Variants in MEGF11 observed in about 807,000 individuals in gnomAD.
MEGF11 encodes the protein multiple epidermal growth factor-like domains protein 11.
Under a neutral mutation model 146.6 loss-of-function variants are expected in MEGF11, and 126 were observed. The ratio of observed to expected loss-of-function variants is 0.86; its 90% confidence interval spans 0.74 to 1.00. The LOEUF (loss-of-function observed/expected upper bound fraction) is 1.00. MEGF11 is among the 50% of genes least tolerant of loss of function. The probability of loss-of-function intolerance (pLI) is 0.00; values close to 1 mark genes in which losing one functional copy is unlikely to be tolerated. For missense variants in MEGF11, 1,509 were observed against 1,521.2 expected, an observed-to-expected ratio of 0.99 and a Z score of 0.13; for synonymous variants, 532 against 583.4, an observed-to-expected ratio of 0.91 and a Z score of 1.27.
chr15:65,957,417 T>C (rs1224926795), intron 10 of MEGF11, 130 bp downstream of exon 10: 1 of 850,512 alleles, frequency 1.2e-6, no homozygotes, highest in Non-Finnish European at 1.8e-6. Flanking sequence ...TCTCCCCTCA[T>C]GAAGTCTGTC....
At chr15:66,086,796 A>G (rs1171209946) in intron 5 of MEGF11, among the ~76,000 whole-genome samples, 1 of 152,244 alleles carries the variant, frequency 6.6e-6, no homozygotes, top group Non-Finnish European at 1.5e-5. Flanking sequence ...CACAGGCAAT[A>G]AAGAACAGGA....
intron 7 of MEGF11, among the ~76,000 whole-genome samples, chr15:65,971,678 T>C (rs191834976): frequency 6.6e-6 from 1 of 152,278 alleles, no homozygotes; most frequent in East Asian, 1.9e-4. Flanking sequence ...TATTGATAGT[T>C]GAGGGTCCCA....
At chr15:66,066,918 AC>A (rs2085153771) in intron 5 of MEGF11, among the ~76,000 whole-genome samples, 1 of 152,196 alleles carries the variant, frequency 6.6e-6, no homozygotes. Flanking sequence ...TCTGCCTGTC[AC>A]CCACAATTGA....
chr15:66,070,905 T>G (rs371287018), intron 5 of MEGF11, among the ~76,000 whole-genome samples: 1 of 152,276 alleles, frequency 6.6e-6, no homozygotes, highest in Admixed American at 6.5e-5. Flanking sequence ...AACCAAAGTT[T>G]ATAGGAACAT....
chr15:66,196,357 A>C (rs539906451), intron 1 of MEGF11, among the ~76,000 whole-genome samples: 12 of 152,160 alleles, frequency 7.9e-5, no homozygotes, highest in African/African-American at 2.4e-4. Flanking sequence ...CTGTAATCCC[A>C]GCTACTCGAG....
intron 1 of MEGF11, among the ~76,000 whole-genome samples, chr15:66,130,170 A>T (rs1164039395): frequency 6.6e-6 from 1 of 152,168 alleles, no homozygotes; most frequent in Non-Finnish European, 1.5e-5. Context: ...GGGAGATTCA[A>T]CCTAGAGCAG....
intron 15 of MEGF11, among the ~76,000 whole-genome samples, chr15:65,918,843 GTATT>G (rs1305835719): frequency 6.6e-6 from 1 of 152,206 alleles, no homozygotes; most frequent in African/African-American, 2.4e-5. Context: ...TATTCATTGA[GTATT>G]TAACCTTTTG....
intron 4 of MEGF11, among the ~76,000 whole-genome samples, chr15:66,108,106 G>A (rs954622623): frequency 6.6e-6 from 1 of 152,230 alleles, no homozygotes; most frequent in Admixed American, 6.5e-5. Context: ...CCCAGGGAAT[G>A]AGAGAATGTG....
At chr15:65,947,309 G>A (rs1214178572) in intron 10 of MEGF11, among the ~76,000 whole-genome samples, 2 of 152,150 alleles carry the variant, frequency 1.3e-5, no homozygotes, top group Admixed American at 1.3e-4. Context: ...AAGCTTGAGC[G>A]CAGGGCTAGC....
At chr15:66,082,514 T>A (rs202040729) in intron 5 of MEGF11, among the ~76,000 whole-genome samples, 3,490 of 114,982 alleles carry the variant, frequency 0.03, 78 homozygotes, top group African/African-American at 0.042. Context: ...TCTATCTATC[T>A]ATAAATAAAT....
rs764407152 is a variant in MEGF11, at chr15:65,913,863, T to C, written c.2584A>G (p.Ile862Val). The change falls in exon 20 of 26, where the codon ATT (isoleucine) becomes GTT (valine). Residue 862 changes from isoleucine (I) to valine (V), a missense_variant. By Grantham distance (29) the Ile-to-Val change is conservative. Coordinates refer to ENST00000395614, the MANE Select transcript of MEGF11 (RefSeq NM_001385028.1). ...GCAAATAGGCCCAGCAGCACCACAA[T>C]GAGGAATAACAGGAGCATGATGCCT... ...VTGIMLLLFL[I>V]VVLLGLFAWH... 3.7e-6 allele frequency: 6 copies of C among 1,613,828 alleles called. No homozygotes were observed. Among genetic ancestry groups the C allele is most frequent in the South Asian group, 1.1e-5 (1 of 91,060 alleles).
intron 1 of MEGF11, among the ~76,000 whole-genome samples, chr15:66,174,302 T>C (rs1294326874): frequency 6.6e-6 from 1 of 152,116 alleles, no homozygotes; most frequent in African/African-American, 2.4e-5. Context: ...GGTGGGGCTG[T>C]TCTATTATAA....
At chr15:66,068,752 G>A (rs1419699099) in intron 5 of MEGF11, among the ~76,000 whole-genome samples, 1 of 152,218 alleles carries the variant, frequency 6.6e-6, no homozygotes, top group Non-Finnish European at 1.5e-5. Flanking sequence ...TGAATCAGGG[G>A]AGGTCATACT....
intron 1 of MEGF11, among the ~76,000 whole-genome samples, chr15:66,161,094 T>G (rs1345331386): frequency 2.0e-5 from 3 of 152,140 alleles, no homozygotes; most frequent in African/African-American, 7.2e-5. Context: ...GTTCTTCAAC[T>G]TTTTCTCAAA....
chr15:65,992,137 A>T (rs138668981), intron 5 of MEGF11, among the ~76,000 whole-genome samples: 15 of 152,300 alleles, frequency 9.8e-5, no homozygotes, highest in African/African-American at 3.1e-4. Flanking sequence ...GCCCTGAGCA[A>T]AGGCAGTTGC....
Position 65,909,148 on chromosome 15 carries a change from A to G in MEGF11, c.2897-13T>C. ...TGGAAATGGGAGTCTAGTGAGAGGA[A>G]TGACAGGGAGGAGCCATTATTCCCA... On this transcript the variant is annotated splice_polypyrimidine_tract_variant and intron_variant, in intron 22 of 25. Transcript: ENST00000395614. 1 of 1,505,078 alleles carries G rather than the reference A, an allele frequency of 6.6e-7. No individual in the cohort carries two copies. Among genetic ancestry groups the G allele is most frequent in the Non-Finnish European group, 8.9e-7 (1 of 1,118,736 alleles). The allele number at this position is 1,505,078 out of a possible 1,614,324, so 93.2% of individuals were successfully genotyped here. A position where few individuals can be genotyped will look rare whatever the true frequency, so the allele number is the denominator to read the frequency against.
chr15:65,941,803 GC>G (rs2080002283), intron 10 of MEGF11, among the ~76,000 whole-genome samples: 1 of 152,220 alleles, frequency 6.6e-6, no homozygotes, highest in African/African-American at 2.4e-5. Flanking sequence ...ATGATGGCCA[GC>G]CCCAGGAGGG....
chr15:65,982,876 G>A lies in MEGF11; in HGVS notation c.395-388C>T, dbSNP rs1397832977. ...CTGCCTGTTTCTGTTCCTTTCTGCC[G>A]GGCCCTTTCTTTTCCCATCTGCCAC... is the stretch of plus-strand genomic sequence containing the variant. On this transcript the variant is annotated intron_variant, in intron 5 of 25. Coordinates refer to ENST00000395614, the MANE Select transcript of MEGF11 (RefSeq NM_001385028.1). The surrounding 1 kb of genome is among the most constrained non-coding windows in gnomAD (Gnocchi z 5.6). 6.6e-6 allele frequency among the ~76,000 whole-genome samples: 1 copy of A among 151,780 alleles called. No homozygotes were observed. The highest frequency in any genetic ancestry group is 2.4e-5 in the African/African-American group (1 of 41,260).
intron 5 of MEGF11, among the ~76,000 whole-genome samples, chr15:66,007,074 C>T (rs1001912214): frequency 6.6e-6 from 1 of 152,364 alleles, no homozygotes; most frequent in Admixed American, 6.5e-5. Context: ...AGCGGCTGCA[C>T]GCTGTTGACC....
Sources: gnomAD v4.1 joint callset for allele counts (sites outside exome capture counted in the v4.1 genomes callset) on GRCh38, gnomAD v4.1.1 for gene constraint, Gnocchi (gnomAD v3.1) non-coding constraint, MANE v1.5 for transcripts, NCBI Gene and HGNC (gene_info 2026-07-23, HGNC 2026-07-21) for gene names.